MGAT4C: variants seen among roughly 807,000 people sequenced by gnomAD.
The protein encoded by MGAT4C is alpha-1,3-mannosyl-glycoprotein 4-beta-N-acetylglucosaminyltransferase C.
In MGAT4C, 19 loss-of-function variants were observed where a neutral mutation model predicts 40.1. The observed-to-expected ratio is 0.47, with a 90% CI of 0.33 to 0.70. The LOEUF (loss-of-function observed/expected upper bound fraction) is 0.70, where lower values mean the gene tolerates loss of function less well. Ranked by LOEUF, MGAT4C falls within the 30% of genes least tolerant of loss-of-function variation. The pLI is 0.02. For missense variants in MGAT4C, 491 were observed against 563.2 expected, an observed-to-expected ratio of 0.87 and a Z score of 1.30; for synonymous variants, 181 against 187.1, an observed-to-expected ratio of 0.97 and a Z score of 0.27.
chr12:86,201,464 A>C lies in MGAT4C; in HGVS notation c.-57+54775T>G, dbSNP rs1267491440. On this transcript the variant is annotated intron_variant, in intron 1 of 4. Transcript: ENST00000611864. ...TTTTAAAATTATATTTACATATATA[A>C]AACATTTCATATTTACATAATATAA... Among the ~76,000 whole-genome samples, 3 of 16,352 alleles carry C rather than the reference A, an allele frequency of 1.8e-4. 1 individual carries two copies. Among genetic ancestry groups the C allele is most frequent in the Non-Finnish European group, 5.2e-4 (3 of 5,744 alleles). 10.7% of individuals were successfully genotyped at this position (16,352 alleles called of 152,430 possible).
intron 2 of MGAT4C, among the ~76,000 whole-genome samples, chr12:86,504,708 A>G (rs1958438923): frequency 6.6e-6 from 1 of 152,018 alleles, no homozygotes; most frequent in South Asian, 2.1e-4. Flanking sequence ...TATTTTTGAG[A>G]CAGCATCTCA....
rs1458125170 is a variant in MGAT4C, at chr12:86,375,383, T to C, written c.-119-41256A>G. 2.0e-5 allele frequency among the ~76,000 whole-genome samples: 3 copies of C among 152,082 alleles called. No homozygotes were observed. In the East Asian group the frequency reaches 5.8e-4, roughly 29 times the overall value. On this transcript the variant is annotated intron_variant, in intron 3 of 7. Transcript: ENST00000548651. ...TCATTTTCAGATCATCTCAAAAATA[T>C]AAAAATGTGAAAAGAAAATAAGGTA...
chr12:86,799,815 G>T (rs962823655), intron 1 of MGAT4C, among the ~76,000 whole-genome samples: 5 of 151,828 alleles, frequency 3.3e-5, no homozygotes, highest in Non-Finnish European at 7.4e-5. Flanking sequence ...GTACCTAATG[G>T]AGAGGACTAT....
chr12:86,321,167 C>A (rs568459775), intron 4 of MGAT4C, among the ~76,000 whole-genome samples: 10 of 151,808 alleles, frequency 6.6e-5, no homozygotes, highest in African/African-American at 2.2e-4. Flanking sequence ...ATTTTATTAC[C>A]CAACATTCTC....
At chr12:86,590,734 C>G (rs1961299161) in intron 2 of MGAT4C, among the ~76,000 whole-genome samples, 1 of 151,920 alleles carries the variant, frequency 6.6e-6, no homozygotes, top group African/African-American at 2.4e-5. Context: ...GTTTAATTCC[C>G]TGAATTTTAA....
In MGAT4C at chr12:86,082,205, T is replaced by C. The variant is rs942472047; in HGVS notation, c.-56-32482A>G. ...AGAACCAGAAGACAGTATTTCTAAG[T>C]CTGGCAATGCCATTAAACAGTCTAG... On this transcript the variant is annotated intron_variant, in intron 1 of 4. Coordinates refer to ENST00000611864, the MANE Select transcript of MGAT4C (RefSeq NM_001351288.2). Among the ~76,000 whole-genome samples, 4 of 152,196 alleles carry C rather than the reference T, an allele frequency of 2.6e-5. No homozygotes were observed. In the East Asian group the frequency reaches 5.8e-4, roughly 22 times the overall value.
At chr12:86,215,787 G>A (rs1950649402) in intron 1 of MGAT4C, among the ~76,000 whole-genome samples, 2 of 151,986 alleles carry the variant, frequency 1.3e-5, no homozygotes, top group African/African-American at 4.8e-5. Flanking sequence ...GGGGTCCAAA[G>A]TAGTCCACTA....
chr12:86,040,857 C>T (rs1006730618), intron 2 of MGAT4C, among the ~76,000 whole-genome samples: 9 of 152,270 alleles, frequency 5.9e-5, no homozygotes, highest in South Asian at 4.1e-4. Context: ...CTGTGTGTTG[C>T]GAAAACCATG....
chr12:86,064,497 A>C (rs1592827996), intron 1 of MGAT4C, among the ~76,000 whole-genome samples: 2 of 152,382 alleles, frequency 1.3e-5, no homozygotes, highest in East Asian at 3.9e-4. Flanking sequence ...ACAGAAATAA[A>C]GATGTTCTTT....
chr12:86,049,749 C>G, intron 1 of MGAT4C, 26 bp from the exon 2 acceptor site: 1 of 859,734 alleles, frequency 1.2e-6, no homozygotes, highest in Non-Finnish European at 1.4e-6. Flanking sequence ...TCTAATATTA[C>G]TAATACAACC....
intron 1 of MGAT4C, among the ~76,000 whole-genome samples, chr12:86,157,581 AC>A (rs1486936407): frequency 2.0e-5 from 3 of 152,150 alleles, no homozygotes; most frequent in Non-Finnish European, 4.4e-5. Context: ...ATCAACAACT[AC>A]CTGAGATTGG....
chr12:86,299,492 A>G (rs949671981), intron 4 of MGAT4C, among the ~76,000 whole-genome samples: 1 of 152,186 alleles, frequency 6.6e-6, no homozygotes, highest in Non-Finnish European at 1.5e-5. Flanking sequence ...GAATTTAGAA[A>G]TGAAGAGAGC....
chr12:86,018,243 TA>T (rs1229980330), intron 2 of MGAT4C, among the ~76,000 whole-genome samples: 1 of 152,160 alleles, frequency 6.6e-6, no homozygotes, highest in African/African-American at 2.4e-5. Flanking sequence ...GTGGCAACGT[TA>T]ATCTACCCCA....
intron 2 of MGAT4C, among the ~76,000 whole-genome samples, chr12:86,618,791 A>G (rs1045442690): frequency 6.6e-6 from 1 of 152,114 alleles, no homozygotes; most frequent in Non-Finnish European, 1.5e-5. Flanking sequence ...TTGACAATAT[A>G]TTGTATATTT....
intron 1 of MGAT4C, among the ~76,000 whole-genome samples, chr12:86,206,391 C>G (rs934340328): frequency 1.3e-5 from 2 of 152,106 alleles, no homozygotes; most frequent in South Asian, 2.1e-4. Flanking sequence ...TCAGAAATAT[C>G]TATACACATG....
chr12:86,350,245 G>T (rs1199002651), intron 3 of MGAT4C, among the ~76,000 whole-genome samples: 1 of 152,040 alleles, frequency 6.6e-6, no homozygotes, highest in Non-Finnish European at 1.5e-5. Context: ...CCCTTATCTG[G>T]TCACCCTCTC....
chr12:86,710,997 G>T (rs1289585891), intron 2 of MGAT4C, among the ~76,000 whole-genome samples: 1 of 152,034 alleles, frequency 6.6e-6, no homozygotes, highest in Non-Finnish European at 1.5e-5. Context: ...GGATGCAAAT[G>T]CATAAGAATG....
rs1420600916 is a variant in MGAT4C at position 86,684,127 on chromosome 12, G to C, written c.-229+43082C>G. On this transcript the variant is annotated intron_variant, in intron 2 of 7. Coordinates refer to the MGAT4C transcript ENST00000548651. ...TGGGTGGCTCACGCCTGTAACCCCA[G>C]CACTTTGGGAGGCCGAGGCGGGCAG... Among the ~76,000 whole-genome samples the C allele has an allele frequency of 6.6e-5, 10 of 152,254 alleles. No homozygotes were observed. The East Asian group carries it at 1.9e-3, about 29-fold the overall frequency.
chr12:86,405,986 CA>C (rs1373745984), intron 3 of MGAT4C, among the ~76,000 whole-genome samples: 6 of 119,270 alleles, frequency 5.0e-5, no homozygotes, highest in South Asian at 2.7e-4. Context: ...TATATATACA[CA>C]AAAAATATAT....
Sources: gnomAD v4.1 joint callset for allele counts (sites outside exome capture counted in the v4.1 genomes callset) on GRCh38, gnomAD v4.1.1 for gene constraint, MANE v1.5 for transcripts, NCBI Gene and HGNC (gene_info 2026-07-23, HGNC 2026-07-21) for gene names.